Variants in DDX10 observed in about 807,000 individuals in gnomAD.
DDX10 encodes DEAD-box helicase 10, also known as probable ATP-dependent RNA helicase DDX10.
DDX10 carries 74 observed loss-of-function variants against 104.3 expected under a neutral mutation model. That is an observed-to-expected ratio of 0.71 (90% CI 0.59 to 0.86). The LOEUF (loss-of-function observed/expected upper bound fraction) is 0.86. DDX10 is among the 40% of genes least tolerant of loss of function. The pLI, the probability that DDX10 is intolerant of heterozygous loss-of-function variation, is 0.00. For synonymous variants in DDX10, 351 were observed against 353.4 expected, an observed-to-expected ratio of 0.99 and a Z score of 0.08; for missense variants, 952 against 1,040.0, an observed-to-expected ratio of 0.92 and a Z score of 1.16.
intron 16 of DDX10, among the ~76,000 whole-genome samples, chr11:108,898,306 T>G (rs1004802502): frequency 6.6e-6 from 1 of 152,062 alleles, no homozygotes; most frequent in Non-Finnish European, 1.5e-5. Context: ...CAAACTCTCC[T>G]GAGGTCTTGG....
chr11:108,688,994 G>T lies in DDX10; in HGVS notation c.907G>T (p.Val303Leu). ...IVCELQQKIS[V>L]LYSFLRSHLK... ...CTGTGAGCTGCAGCAAAAAATAAGT[G>T]TGCTGTATTCCTTTTTGAGAAGCCA... Residue 303 changes from valine (V) to leucine (L), a missense_variant, in exon 7 of 18, where the codon GTG (valine) becomes TTG (leucine). Coordinates refer to ENST00000322536, the MANE Select transcript of DDX10 (RefSeq NM_004398.4). The T allele has an allele frequency of 6.2e-7, 1 of 1,613,978 alleles. No homozygotes were observed. Among genetic ancestry groups the T allele is most frequent in the Non-Finnish European group, 8.5e-7 (1 of 1,179,860 alleles).
chr11:108,894,455 C>T (rs1863414788), intron 16 of DDX10, among the ~76,000 whole-genome samples: 1 of 151,920 alleles, frequency 6.6e-6, no homozygotes, highest in South Asian at 2.1e-4. Context: ...TAAGCCATTG[C>T]TTGTTATGTG....
At chr11:108,736,432 G>T (rs1365298175) in intron 13 of DDX10, among the ~76,000 whole-genome samples, 1 of 152,038 alleles carries the variant, frequency 6.6e-6, no homozygotes, top group Non-Finnish European at 1.5e-5. Flanking sequence ...TGGATGGGCG[G>T]GATTTGGCCT....
At chr11:108,819,482 ATATAAT>A (rs1481681754) in intron 13 of DDX10, among the ~76,000 whole-genome samples, 2 of 152,334 alleles carry the variant, frequency 1.3e-5, no homozygotes, top group Non-Finnish European at 2.9e-5. Context: ...TTTTCCGTTG[ATATAAT>A]TATTTTTAAA....
chr11:108,916,549 CTATTCTGAACTGT>C (rs1439847999), intron 16 of DDX10, among the ~76,000 whole-genome samples: 2 of 152,188 alleles, frequency 1.3e-5, no homozygotes, highest in Non-Finnish European at 2.9e-5. Flanking sequence ...CATTACTATG[CTATTCTGAACTGT>C]TATTCAATTT....
intron 16 of DDX10, among the ~76,000 whole-genome samples, chr11:108,905,180 G>T (rs979103417): frequency 3.3e-5 from 5 of 151,982 alleles, no homozygotes; most frequent in African/African-American, 1.2e-4. Flanking sequence ...CCCAGGTTAA[G>T]AACTCCTAAT....
intron 13 of DDX10, among the ~76,000 whole-genome samples, chr11:108,817,026 A>G (rs1234828506): frequency 2.0e-5 from 3 of 152,218 alleles, no homozygotes; most frequent in Non-Finnish European, 4.4e-5. Context: ...GGAAACTTTG[A>G]CTTTAAGAAA....
chr11:108,889,907 T>G (rs533463814), intron 16 of DDX10, among the ~76,000 whole-genome samples: 56 of 152,314 alleles, frequency 3.7e-4, no homozygotes, highest in Non-Finnish European at 5.0e-4. Context: ...ACATACCAAT[T>G]CTTTAATAGT....
chr11:108,877,837 A>G (rs1156762667), intron 16 of DDX10, among the ~76,000 whole-genome samples: 3 of 152,182 alleles, frequency 2.0e-5, no homozygotes, highest in Non-Finnish European at 4.4e-5. Flanking sequence ...TAGCTTTCCA[A>G]ATCTGGCAGA....
chr11:108,748,808 G>A (rs998862102), intron 13 of DDX10, among the ~76,000 whole-genome samples: 1 of 152,024 alleles, frequency 6.6e-6, no homozygotes, highest in African/African-American at 2.4e-5. Flanking sequence ...AACCTCCCAG[G>A]CAGCTGGGAC....
Position 108,723,219 on chromosome 11 carries a change from T to G in DDX10, c.1722T>G (p.Asp574Glu), listed in dbSNP as rs2134476533. 1 of 1,613,658 alleles carries G rather than the reference T, an allele frequency of 6.2e-7. No homozygotes were observed. The highest frequency in any genetic ancestry group is 2.2e-5 in the East Asian group (1 of 44,786). The change falls in exon 13 of 18, where the codon GAT (aspartate) becomes GAG (glutamate). Residue 574 changes from aspartate to glutamate, a missense_variant. By Grantham distance (45) the Asp-to-Glu change is conservative (BLOSUM62 2). This residue lies in a region of DDX10 where 533 missense variants were observed against 534.1 expected (regional missense o/e 1.00). Coordinates refer to ENST00000322536, the MANE Select transcript of DDX10 (RefSeq NM_004398.4). ...KRLEGTEHRQ[D>E]NDTGNEEQEE... ...TCGAAGGGACAGAGCACAGACAGGA[T>G]AATGATACTGGTAATGAAGAACAGG...
intron 1 of DDX10, among the ~76,000 whole-genome samples, chr11:108,667,982 C>G (rs1240099053): frequency 6.6e-6 from 1 of 152,168 alleles, no homozygotes; most frequent in East Asian, 1.9e-4. Context: ...CTTTGCACTC[C>G]CCAGAGTCTG....
chr11:108,909,807 T>C (rs1380413416), intron 16 of DDX10, among the ~76,000 whole-genome samples: 6 of 152,106 alleles, frequency 3.9e-5, no homozygotes, highest in African/African-American at 1.4e-4. Context: ...AGAGACACCA[T>C]GCATTTGATG....
intron 13 of DDX10, among the ~76,000 whole-genome samples, chr11:108,810,519 A>T (rs370573009): frequency 6.6e-6 from 1 of 152,098 alleles, no homozygotes; most frequent in South Asian, 2.1e-4. Context: ...TGCGGGGAAG[A>T]GGTTGACAAG....
At chr11:108,804,504 A>AT in intron 13 of DDX10, among the ~76,000 whole-genome samples, 1 of 151,154 alleles carries the variant, frequency 6.6e-6, no homozygotes, top group Non-Finnish European at 1.5e-5. Flanking sequence ...GTCTCAAAAA[A>AT]AAAAAAAAAA....
At position 108,767,588 on chromosome 11, in the gene DDX10, A is replaced by G. The variant is rs2094357800; in HGVS notation, c.1965+44126A>G. Reference sequence around the variant, plus strand: ...TAGCAGTTCACAACTGCAAATTTCAAACTTTTTAGTTTTCCTACTTAGATT... The same window carrying G: ...TAGCAGTTCACAACTGCAAATTTCAGACTTTTTAGTTTTCCTACTTAGATT... On this transcript the variant is annotated intron_variant, in intron 13 of 17. Coordinates refer to ENST00000322536, the MANE Select transcript of DDX10 (RefSeq NM_004398.4). Among the ~76,000 whole-genome samples the G allele has an allele frequency of 2.0e-5, 3 of 152,100 alleles. No individual in the cohort carries two copies. In the South Asian group the frequency reaches 6.2e-4, roughly 32 times the overall value.
In DDX10 at chr11:108,797,178, T is replaced by C. The variant is rs555817664; in HGVS notation, c.1966-41268T>C. Among the ~76,000 whole-genome samples the C allele has an allele frequency of 7.2e-5, 11 of 152,204 alleles. No individual in the cohort carries two copies. In the South Asian group the frequency reaches 2.3e-3, roughly 32 times the overall value. On this transcript the variant is annotated intron_variant, in intron 13 of 17. Transcript: ENST00000322536. ...CCTCCTGAGTAGCTGAGACTACAGGTGCATGCCAGCATGCCCAGCTAATTT... is the reference window on the plus strand; with the variant it reads ...CCTCCTGAGTAGCTGAGACTACAGGCGCATGCCAGCATGCCCAGCTAATTT...
chr11:108,693,977 T>A (rs2094256306), intron 9 of DDX10, among the ~76,000 whole-genome samples: 1 of 152,102 alleles, frequency 6.6e-6, no homozygotes, highest in South Asian at 2.1e-4. Flanking sequence ...AAACCCAATA[T>A]ATGCTATGTT....
chr11:108,934,962 A>G (rs933116748), intron 17 of DDX10, among the ~76,000 whole-genome samples: 5 of 152,102 alleles, frequency 3.3e-5, no homozygotes, highest in Non-Finnish European at 4.4e-5. Context: ...TTCGCAGCAA[A>G]ATCCATTGAA....
Sources: allele counts gnomAD v4.1 joint callset (sites outside exome capture counted in the v4.1 genomes callset), GRCh38; gene constraint gnomAD v4.1.1; regional missense constraint gnomAD v4.1.1; transcripts MANE v1.5; gene names NCBI Gene and HGNC (gene_info 2026-07-23, HGNC 2026-07-21).